SCYGR7: variants seen among roughly 807,000 people sequenced by gnomAD.
The protein encoded by SCYGR7 is small cysteine and glycine repeat-containing protein 7.
rs911363434 is a variant in SCYGR7, at chr2:227,728,493, C to T, written c.159C>T (p.Arg53=). 37 of 399,304 alleles carry T rather than the reference C, an allele frequency of 9.3e-5. 1 individual carries two copies. The highest frequency in any genetic ancestry group is 6.2e-4 in the Middle Eastern group (1 of 1,614). The allele number at this position is 399,304 out of a possible 1,614,324, so 24.7% of individuals were successfully genotyped here. The change falls in exon 1 of 1, where the codon CGC becomes CGT. Residue 53 remains arginine, a synonymous_variant. Transcript: ENST00000641700. ...GCTCCAGCTGCTGCCCCTGCTGCCGCGGCTGCTGTGGGGGCTGCTGCAGCA... is the reference window on the plus strand; with the variant it reads ...GCTCCAGCTGCTGCCCCTGCTGCCGTGGCTGCTGTGGGGGCTGCTGCAGCA...
At chr2:227,728,578 G>A (rs1007196707) in exon 1 of SCYGR7, 54 of 399,114 alleles carry the variant, frequency 1.4e-4, no homozygotes, top group Non-Finnish European at 2.2e-4. Context: ...CTGTGGGAAG[G>A]GCTGTTGCCA....
chr2:227,728,391 CGGT>C lies in SCYGR7; in HGVS notation c.63_65del (p.Gly22del), dbSNP rs561814441. On this transcript the variant is annotated inframe_deletion, in exon 1 of 1. Transcript: ENST00000641700. ...GCTGCGGTGGTGGCTGTGGTGGCTG[CGGT>C]GGTGGCTGCGGTGGTGGCTGCGGTG... The C allele has an allele frequency of 6.1e-3, 2,460 of 402,142 alleles. 40 individuals carry two copies. Among genetic ancestry groups the C allele is most frequent in the African/African-American group, 0.047 (2,243 of 47,250 alleles). 24.9% of individuals were successfully genotyped at this position (402,142 alleles called of 1,614,324 possible).
exon 1 of SCYGR7, chr2:227,728,353 G>A (rs1696585951): frequency 2.5e-6 from 1 of 405,002 alleles, no homozygotes; most frequent in East Asian, 3.5e-5. Context: ...CTGTGGTTGT[G>A]GAAGTTGTGG....
At chr2:227,728,435 G>A (rs941296890) in exon 1 of SCYGR7, 59 of 402,396 alleles carry the variant, frequency 1.5e-4, no homozygotes, top group South Asian at 8.5e-4. Context: ...TGTGGCAGCT[G>A]CACCACCTGC....
At position 227,728,391 on chromosome 2, in the gene SCYGR7, C is replaced by T. The variant is rs191690387; in HGVS notation, c.57C>T (p.Cys19=). The T allele has an allele frequency of 3.6e-4, 146 of 402,144 alleles. 1 individual carries two copies. The South Asian group carries it at 7.4e-3, about 21-fold the overall frequency. The allele number at this position is 402,144 out of a possible 1,614,324, so 24.9% of individuals were successfully genotyped here. ...GCTGCGGTGGTGGCTGTGGTGGCTG[C>T]GGTGGTGGCTGCGGTGGTGGCTGCG... The change falls in exon 1 of 1, where the codon TGC becomes TGT. Residue 19 remains cysteine, a synonymous_variant. Coordinates refer to ENST00000641700, the Ensembl canonical transcript of SCYGR7.
chr2:227,728,444 G>A (rs1380526802), exon 1 of SCYGR7: 2 of 401,870 alleles, frequency 5.0e-6, no homozygotes, highest in Non-Finnish European at 8.8e-6. Flanking sequence ...TGCACCACCT[G>A]CAGGTGCTAC....
Position 227,728,423 on chromosome 2 carries a change from G to A in SCYGR7, c.89G>A (p.Gly30Asp), listed in dbSNP as rs559224184. The stretch of plus-strand genomic sequence containing the variant: ...GGCTGCGGTGGTGGCTGCGGTGGTG[G>A]CTGTGGCAGCTGCACCACCTGCAGG... The change falls in exon 1 of 1, where the codon GGC becomes GAC. Residue 30 changes from glycine to aspartate, a missense_variant. Coordinates refer to ENST00000641700, the Ensembl canonical transcript of SCYGR7. 11 of 402,538 alleles carry A rather than the reference G, an allele frequency of 2.7e-5. No individual in the cohort carries two copies. In the South Asian group the frequency reaches 1.3e-3, roughly 49 times the overall value. The allele number at this position is 402,538 out of a possible 1,614,324, so 24.9% of individuals were successfully genotyped here. A position where few individuals can be genotyped will look rare whatever the true frequency, so the allele number is the denominator to read the frequency against.
At chr2:227,728,380 T>A (rs576524732) in exon 1 of SCYGR7, 12 of 403,108 alleles carry the variant, frequency 3.0e-5, no homozygotes, top group South Asian at 1.2e-4. Flanking sequence ...CGGTGGTGGC[T>A]GTGGTGGCTG....
In SCYGR7 at chr2:227,728,532, C is replaced by T. The variant is rs572999774; in HGVS notation, c.198C>T (p.Cys66=). The T allele has an allele frequency of 3.3e-3, 1,310 of 399,226 alleles. 4 individuals carry two copies. Among genetic ancestry groups the T allele is most frequent in the Non-Finnish European group, 4.1e-3 (921 of 226,472 alleles). 24.7% of individuals were successfully genotyped at this position (399,226 alleles called of 1,614,324 possible). A position where few individuals can be genotyped will look rare whatever the true frequency, so the allele number is the denominator to read the frequency against. The change falls in exon 1 of 1, where the codon TGC becomes TGT. Residue 66 remains cysteine, a synonymous_variant. Transcript: ENST00000641700. ...GCTGCTGCAGCACACCTGTGATCTGCTGCTGCCGCCGCACCTGCGGCTCAT... is the reference window on the plus strand; with the variant it reads ...GCTGCTGCAGCACACCTGTGATCTGTTGCTGCCGCCGCACCTGCGGCTCAT...
exon 1 of SCYGR7, chr2:227,728,468 G>C (rs1574593440): frequency 1.5e-5 from 6 of 399,772 alleles, no homozygotes; most frequent in Non-Finnish European, 2.2e-5. Flanking sequence ...GTGGGCTGCT[G>C]CTCCAGCTGC....
chr2:227,728,583 T>C (rs1360347924), exon 1 of SCYGR7: 17 of 399,112 alleles, frequency 4.3e-5, no homozygotes, highest in Non-Finnish European at 7.5e-5. Context: ...GGAAGGGCTG[T>C]TGCCAGCAGA....
exon 1 of SCYGR7, chr2:227,728,423 G>C (rs559224184): frequency 8.2e-5 from 33 of 402,544 alleles, no homozygotes; most frequent in African/African-American, 6.2e-4. Context: ...TGCGGTGGTG[G>C]CTGTGGCAGC....
At chr2:227,728,403 C>CGGTGGTGGCTGCAGTGGTGGCTGT (rs1559266068) in exon 1 of SCYGR7, 46 of 404,168 alleles carry the variant, frequency 1.1e-4, no homozygotes, top group Middle Eastern at 6.1e-4. Flanking sequence ...GTGGTGGCTG[C>CGGTGGTGGCTGCAGTGGTGGCTGT]GGTGGTGGCT....
In SCYGR7 at chr2:227,728,380, TGTGGTGGCTGCGGTGGTGGCTGCG is replaced by T. The variant is rs532364109; in HGVS notation, c.69_92del (p.Gly25_Gly32del). On this transcript the variant is annotated inframe_deletion, in exon 1 of 1. Coordinates refer to ENST00000641700, the Ensembl canonical transcript of SCYGR7. ...AAGTTGTGGTGGCTGCGGTGGTGGCTGTGGTGGCTGCGGTGGTGGCTGCGGTGGTGGCTGCGGTGGTGGCTGTGG... is the reference window on the plus strand; with the variant it reads ...AAGTTGTGGTGGCTGCGGTGGTGGCTGTGGTGGCTGCGGTGGTGGCTGTGG... 341 of 403,102 alleles carry T rather than the reference TGTGGTGGCTGCGGTGGTGGCTGCG, an allele frequency of 8.5e-4. 1 individual carries two copies. The highest frequency in any genetic ancestry group is 5.7e-3 in the African/African-American group (258 of 45,264). The allele number at this position is 403,102 out of a possible 1,614,324, so 25.0% of individuals were successfully genotyped here.
chr2:227,728,559 T>C (rs966031333), exon 1 of SCYGR7: 2 of 399,078 alleles, frequency 5.0e-6, no homozygotes, highest in Non-Finnish European at 4.4e-6. Flanking sequence ...GCGGCTCATG[T>C]GGCTGCGGCT....
chr2:227,728,616 C>T lies in SCYGR7; in HGVS notation c.282C>T (p.Cys94=), dbSNP rs566924123. The stretch of plus-strand genomic sequence containing the variant: ...AGAAAGGCTGCTGCCAGAAGCAATG[C>T]TGCTGCTAGGCGGGCCCCCGGCCTC... Residue 94 remains cysteine (C), a synonymous_variant, in exon 1 of 1, where the codon TGC becomes TGT. Coordinates refer to ENST00000641700, the Ensembl canonical transcript of SCYGR7. 4.5e-5 allele frequency: 18 copies of T among 398,960 alleles called. No individual in the cohort carries two copies. The South Asian group carries it at 1.3e-3, about 28-fold the overall frequency. The allele number at this position is 398,960 out of a possible 1,614,324, so 24.7% of individuals were successfully genotyped here.
At chr2:227,728,589 G>A (rs1038644844) in exon 1 of SCYGR7, 6 of 399,070 alleles carry the variant, frequency 1.5e-5, no homozygotes, top group East Asian at 7.1e-5. Context: ...GCTGTTGCCA[G>A]CAGAAAGGCT....
exon 1 of SCYGR7, chr2:227,728,403 C>T (rs376291461): frequency 6.0e-4 from 243 of 404,164 alleles, no homozygotes; most frequent in Admixed American, 1.2e-3. Flanking sequence ...GTGGTGGCTG[C>T]GGTGGTGGCT....
chr2:227,728,479 TGCCCCTGCTGCC>T, exon 1 of SCYGR7: 1 of 399,520 alleles, frequency 2.5e-6, no homozygotes, highest in Non-Finnish European at 4.4e-6. Flanking sequence ...CTCCAGCTGC[TGCCCCTGCTGCC>T]GCGGCTGCTG....
Sources: gnomAD v4.1 joint callset for allele counts on GRCh38, gnomAD v4.1.1 for gene constraint, MANE v1.5 for transcripts, NCBI Gene and HGNC (gene_info 2026-07-23, HGNC 2026-07-21) for gene names.